FBXW5: variants seen among roughly 807,000 people sequenced by gnomAD.
The protein encoded by FBXW5 is F-box/WD repeat-containing protein 5.
A neutral mutation model predicts 50.9 loss-of-function variants in FBXW5; 74 were observed. The observed-to-expected ratio is 1.45, with a 90% CI of 1.20 to 1.76. The LOEUF (loss-of-function observed/expected upper bound fraction) is 1.76, where lower values mean the gene tolerates loss of function less well. Ranked by LOEUF, FBXW5 falls within the 40% of genes most tolerant of loss-of-function variation. The probability of loss-of-function intolerance (pLI) is 0.00; values close to 1 mark genes in which losing one functional copy is unlikely to be tolerated. For synonymous variants in FBXW5, 523 were observed against 362.2 expected, an observed-to-expected ratio of 1.44 and a Z score of -5.04; for missense variants, 1,073 against 818.8, an observed-to-expected ratio of 1.31 and a Z score of -3.79.
chr9:136,943,707 C>CCGTGTT (rs1354130017), intron 2 of FBXW5, among the ~76,000 whole-genome samples, 184 bp downstream of exon 2: 2 of 152,352 alleles, frequency 1.3e-5, no homozygotes, highest in East Asian at 3.9e-4. Flanking sequence ...ACCCAATGAA[C>CCGTGTT]CCTCTGGCCT....
chr9:136,942,499 G>A (rs747197244), intron 5 of FBXW5, 33 bp from the exon 6 acceptor site: 126 of 1,598,772 alleles, frequency 7.9e-5, no homozygotes, highest in Admixed American at 7.1e-4. Context: ...GGTGGGCGCC[G>A]GGCGCCAGGC....
At chr9:136,941,780 GCAC>G (rs1054956593) in intron 6 of FBXW5, 96 bp from the exon 7 acceptor site, 19 of 1,418,930 alleles carry the variant, frequency 1.3e-5, no homozygotes, top group Non-Finnish European at 1.7e-5. Flanking sequence ...GGGGCTGTGA[GCAC>G]CACAGAGGTC....
At position 136,941,162 on chromosome 9, in the gene FBXW5, C is replaced by T. The variant is rs1850742420; in HGVS notation, c.1467G>A (p.Glu489=). 6.3e-7 allele frequency: 1 copy of T among 1,599,800 alleles called. No homozygotes were observed. The highest frequency in any genetic ancestry group is 1.1e-5 in the South Asian group (1 of 90,022). The change falls in exon 9 of 9, where the codon GAG becomes GAA. Residue 489 remains glutamate (E), a synonymous_variant. Coordinates refer to ENST00000325285, the MANE Select transcript of FBXW5 (RefSeq NM_018998.4). ...GGTCCCAGATGTAGCCGTGCCGGTCCTCCGCCCCGCTGCAGAACAGCGCCT... is the reference window on the plus strand; with the variant it reads ...GGTCCCAGATGTAGCCGTGCCGGTCTTCCGCCCCGCTGCAGAACAGCGCCT... ...VSRDFVASGA[E]DRHGYIWDRH... is the part of the protein sequence containing the mutation.
chr9:136,943,378 C>T lies in FBXW5; in HGVS notation c.322G>A (p.Ala108Thr), dbSNP rs770652572. The change falls in exon 3 of 9, where the codon GCG becomes ACG. Residue 108 changes from alanine to threonine, a missense_variant. Coordinates refer to ENST00000325285, the MANE Select transcript of FBXW5 (RefSeq NM_018998.4). ...LSFSHSGYQF[A>T]SCSKDCTVKI... Reference sequence around the variant, plus strand: ...ACAGTGCAGTCCTTGGAGCAGGACGCGAACTGGTACCCGGAATGGGAGAAG... The same window carrying T: ...ACAGTGCAGTCCTTGGAGCAGGACGTGAACTGGTACCCGGAATGGGAGAAG... The T allele has an allele frequency of 9.3e-6, 15 of 1,612,864 alleles. No individual in the cohort carries two copies. Among genetic ancestry groups the T allele is most frequent in the Admixed American group, 8.3e-5 (5 of 60,006 alleles).
Position 136,942,096 on chromosome 9 carries a change from T to C in FBXW5, c.1046A>G (p.Lys349Arg), listed in dbSNP as rs1222909584. Residue 349 changes from lysine to arginine, a missense_variant, in exon 6 of 9, where the codon AAG becomes AGG. Transcript: ENST00000325285. The part of the protein sequence containing the change: ...PERSATGAKS[K>R]YLIFTTGCLT... ...GCAGCCAGTGGTGAAGATGAGGTAC[T>C]TGCTCTTGGCGCCTGTGGCACTGCG... 1.2e-6 allele frequency: 2 copies of C among 1,612,898 alleles called. No individual in the cohort carries two copies. Among genetic ancestry groups the C allele is most frequent in the Non-Finnish European group, 1.7e-6 (2 of 1,179,344 alleles).
At chr9:136,941,969 T>A in intron 6 of FBXW5, 77 bp downstream of exon 6, 13 of 1,483,712 alleles carry the variant, frequency 8.8e-6, no homozygotes, top group Non-Finnish European at 1.2e-5. Flanking sequence ...TTGCTTGCTG[T>A]CTGCCCCTCA....
At chr9:136,944,325 G>T (rs1363998284) in intron 1 of FBXW5, 3 of 594,356 alleles carry the variant, frequency 5.0e-6, no homozygotes, top group African/African-American at 2.0e-5. Flanking sequence ...CCTGCGGCCG[G>T]CAGCGGGCGC....
rs1010472596 is a variant in FBXW5, at chr9:136,942,932, G to A, written c.363C>T (p.Asn121=). 5 of 1,613,136 alleles carry A rather than the reference G, an allele frequency of 3.1e-6. No homozygotes were observed. Among genetic ancestry groups the A allele is most frequent in the Non-Finnish European group, 3.4e-6 (4 of 1,179,936 alleles). Residue 121 remains asparagine, a synonymous_variant, in exon 4 of 9, where the codon AAC becomes AAT. Transcript: ENST00000325285. ...TGTGCAGCAGCGAGATGGTCAGGTCGTTGCTCCAGATCTGTTCGGCAGGGG... is the reference window on the plus strand; with the variant it reads ...TGTGCAGCAGCGAGATGGTCAGGTCATTGCTCCAGATCTGTTCGGCAGGGG... The part of the protein sequence containing the change: ...SKDCTVKIWS[N]DLTISLLHSA...
intron 6 of FBXW5, 99 bp downstream of exon 6, chr9:136,941,947 T>G: frequency 6.9e-7 from 1 of 1,459,852 alleles, no homozygotes; most frequent in Non-Finnish European, 9.1e-7. Flanking sequence ...GATCCCAGCT[T>G]TGCCTGTGGA....
chr9:136,941,534 C>T lies in FBXW5; in HGVS notation c.1244+3G>A, dbSNP rs1202330579. The T allele has an allele frequency of 1.2e-6, 2 of 1,609,752 alleles. No individual in the cohort carries two copies. Among genetic ancestry groups the T allele is most frequent in the South Asian group, 1.1e-5 (1 of 91,064 alleles). ...CCGCCTGGGACACTGGCAAGAGGCC[C>T]ACCTGTTGTCGGGCGACAGGCCCAT... is the stretch of plus-strand genomic sequence containing the variant. On this transcript the variant is annotated splice_donor_region_variant and intron_variant, in intron 7 of 8. Coordinates refer to ENST00000325285, the MANE Select transcript of FBXW5 (RefSeq NM_018998.4).
rs1367693721 is a variant in FBXW5 at position 136,944,636 on chromosome 9, C to T, written c.-66G>A. ...GCTGCGCCGCCCCCGCCCTGCGCGA[C>T]CCGGACCCGCTTCCGCTGCCGCAGC... On this transcript the variant is annotated 5_prime_UTR_variant, in exon 1 of 9. Transcript: ENST00000325285. 2.0e-6 allele frequency: 2 copies of T among 984,898 alleles called. No homozygotes were observed. Among genetic ancestry groups the T allele is most frequent in the South Asian group, 4.5e-5 (1 of 22,024 alleles). 61.0% of individuals were successfully genotyped at this position (984,898 alleles called of 1,614,324 possible). A position where few individuals can be genotyped will look rare whatever the true frequency, so the allele number is the denominator to read the frequency against.
In FBXW5 at chr9:136,942,341, C is replaced by A. The variant is rs1166713569; in HGVS notation, c.801G>T (p.Leu267=). Residue 267 remains leucine, a synonymous_variant, in exon 6 of 9, where the codon CTG becomes CTT. Coordinates refer to ENST00000325285, the MANE Select transcript of FBXW5 (RefSeq NM_018998.4). ...CSRFDSPDLL[L]EAGDPATSPC... ...GGGACGTGGCCGGGTCACCGGCTTC[C>A]AGCAGCAGGTCAGGGCTGTCGAAGC... 1.9e-6 allele frequency: 3 copies of A among 1,604,964 alleles called. No homozygotes were observed. The highest frequency in any genetic ancestry group is 1.3e-5 in the African/African-American group (1 of 74,824).
chr9:136,942,014 C>G, intron 6 of FBXW5, 32 bp downstream of exon 6: 1 of 1,573,416 alleles, frequency 6.4e-7, no homozygotes, highest in Non-Finnish European at 8.7e-7. Flanking sequence ...GCTCCTAGGA[C>G]CGAGGCGGGC....
rs1373167380 is a variant in FBXW5, at chr9:136,941,428, C to T, written c.1280G>A (p.Gly427Asp). 7.5e-6 allele frequency: 12 copies of T among 1,609,396 alleles called. No individual in the cohort carries two copies. The East Asian group carries it at 2.7e-4, about 36-fold the overall frequency. The change falls in exon 8 of 9, where the codon GGT becomes GAT. Residue 427 changes from glycine to aspartate, a missense_variant. Coordinates refer to ENST00000325285, the MANE Select transcript of FBXW5 (RefSeq NM_018998.4). ...LYVNSRAWPN[G>D]AVVADPMQPP... ...CTGCATGGGGTCGGCCACCACCGCACCGTTGGGCCAGGCGCGGCTGTTCAC... is the reference window on the plus strand; with the variant it reads ...CTGCATGGGGTCGGCCACCACCGCATCGTTGGGCCAGGCGCGGCTGTTCAC...
At position 136,940,956 on chromosome 9, in the gene FBXW5, A is replaced by G. The variant is rs967652948; in HGVS notation, c.1673T>C (p.Phe558Ser). The change falls in exon 9 of 9, where the codon TTC becomes TCC. Residue 558 changes from phenylalanine (F) to serine (S), a missense_variant. Physicochemically the swap from Phe to Ser is radical, Grantham distance 155. Coordinates refer to ENST00000325285, the MANE Select transcript of FBXW5 (RefSeq NM_018998.4). ...GCGCCTCTGGCTGGCAAGCCAGGAGAAGAAGGTGCGAGGCCGTGGGCGAGG... is the reference window on the plus strand; with the variant it reads ...GCGCCTCTGGCTGGCAAGCCAGGAGGAGAAGGTGCGAGGCCGTGGGCGAGG... ...QAPRPRPRTF[F>S]SWLASQRR 5.7e-6 allele frequency: 9 copies of G among 1,570,910 alleles called. No homozygotes were observed. Among genetic ancestry groups the G allele is most frequent in the South Asian group, 1.2e-5 (1 of 86,374 alleles).
Position 136,941,384 on chromosome 9 carries a change from C to G in FBXW5, c.1324G>C (p.Glu442Gln), listed in dbSNP as rs569722013. Reference sequence around the variant, plus strand: ...AGGTCGAACACCAGCAGGTCAATCTCCTCCGCGATTGGTGGCGGCTGCATG... The same window carrying G: ...AGGTCGAACACCAGCAGGTCAATCTGCTCCGCGATTGGTGGCGGCTGCATG... ...DPMQPPPIAEEIDLLVFDLKT... is the reference protein window; with the variant it reads ...DPMQPPPIAEQIDLLVFDLKT... The change falls in exon 8 of 9, where the codon GAG becomes CAG. Residue 442 changes from glutamate (E) to glutamine (Q), a missense_variant. By Grantham distance (29) the Glu-to-Gln change is conservative (BLOSUM62 2). Transcript: ENST00000325285. The G allele has an allele frequency of 6.8e-6, 11 of 1,611,408 alleles. No homozygotes were observed. Among genetic ancestry groups the G allele is most frequent in the Non-Finnish European group, 9.3e-6 (11 of 1,179,856 alleles).
In FBXW5 at chr9:136,942,462, A is replaced by T; in HGVS notation, c.680T>A (p.Val227Glu). Residue 227 changes from valine to glutamate, a missense_variant, in exon 6 of 9, where the codon GTG becomes GAG. By Grantham distance (121) the Val-to-Glu change is moderately radical (BLOSUM62 -2). Coordinates refer to ENST00000325285, the MANE Select transcript of FBXW5 (RefSeq NM_018998.4). ...VLWLNNAFQD[V>E]ESENVNVVKR... ...CACCACGTTGACGTTCTCTGACTCC[A>T]CATCCTGGGGGCGGGGGCACGTGCC... 6.3e-7 allele frequency: 1 copy of T among 1,598,996 alleles called. No individual in the cohort carries two copies. The highest frequency in any genetic ancestry group is 2.2e-5 in the East Asian group (1 of 44,488).
chr9:136,940,473 G>A lies in FBXW5; in HGVS notation c.*455C>T, dbSNP rs1418356204. The stretch of plus-strand genomic sequence containing the variant: ...TGTTTATTCAGGGCCCTGAACGGGT[G>A]GTGCGTGGACATGCAACACACTCGG... On this transcript the variant is annotated 3_prime_UTR_variant, in exon 9 of 9. Transcript: ENST00000325285. 1 of 226,540 alleles carries A rather than the reference G, an allele frequency of 4.4e-6. No individual in the cohort carries two copies. Among genetic ancestry groups the A allele is most frequent in the Non-Finnish European group, 9.0e-6 (1 of 111,684 alleles). 14.0% of individuals were successfully genotyped at this position (226,540 alleles called of 1,614,324 possible). A position where few individuals can be genotyped will look rare whatever the true frequency, so the allele number is the denominator to read the frequency against.
rs924358383 is a variant in FBXW5 at position 136,944,047 on chromosome 9, G to A, written c.37C>T (p.Leu13=). The A allele has an allele frequency of 6.2e-7, 1 of 1,604,252 alleles. No individual in the cohort carries two copies. Residue 13 remains leucine (L), a synonymous_variant, in exon 2 of 9, where the codon CTG becomes TTG. Coordinates refer to ENST00000325285, the MANE Select transcript of FBXW5 (RefSeq NM_018998.4). ...EGGTPLLPDS[L]VYQIFLSLGP... ...AGGCTCAGGAAGATCTGGTAGACCAGGCTGTCGGGGAGCAGGGGCGTGCCG... is the reference window on the plus strand; with the variant it reads ...AGGCTCAGGAAGATCTGGTAGACCAAGCTGTCGGGGAGCAGGGGCGTGCCG...
Sources: gnomAD v4.1 joint callset for allele counts (sites outside exome capture counted in the v4.1 genomes callset) on GRCh38, gnomAD v4.1.1 for gene constraint, MANE v1.5 for transcripts, NCBI Gene and HGNC (gene_info 2026-07-23, HGNC 2026-07-21) for gene names.